The following PHLPP2 variants were observed in gnomAD, a reference collection of about 807,000 sequenced individuals.
PHLPP2 encodes the protein PH domain and leucine rich repeat protein phosphatase 2, also known as PH domain leucine-rich repeat-containing protein phosphatase 2.
Under a neutral mutation model 124.9 loss-of-function variants are expected in PHLPP2, and 66 were observed. The observed-to-expected ratio is 0.53, with a 90% CI of 0.43 to 0.65. The LOEUF (loss-of-function observed/expected upper bound fraction) is 0.65. Ranked by LOEUF, PHLPP2 falls within the 30% of genes least tolerant of loss-of-function variation. The pLI, the probability that PHLPP2 is intolerant of heterozygous loss-of-function variation, is 0.00. For missense variants in PHLPP2, 1,685 were observed against 1,600.4 expected (o/e 1.05, Z -0.90); for synonymous variants, 681 against 624.7 (o/e 1.09, Z -1.34).
intron 16 of PHLPP2, among the ~76,000 whole-genome samples, chr16:71,656,214 G>A (rs1422934353): frequency 1.3e-5 from 2 of 152,102 alleles, no homozygotes; most frequent in African/African-American, 4.8e-5. Context: ...CTAAGGAAGA[G>A]GATCATACTA....
chr16:71,697,360 C>T (rs1234489760), intron 3 of PHLPP2, among the ~76,000 whole-genome samples: 1 of 151,940 alleles, frequency 6.6e-6, no homozygotes, highest in East Asian at 1.9e-4. Flanking sequence ...GTAGAAGTGG[C>T]GCACATCAAG....
intron 11 of PHLPP2, among the ~76,000 whole-genome samples, chr16:71,668,140 G>T (rs188581155): frequency 1.3e-5 from 2 of 151,618 alleles, no homozygotes; most frequent in Non-Finnish European, 2.9e-5. Flanking sequence ...GGCCGGGGGT[G>T]GTGGCTCATG....
At chr16:71,663,826 G>T in intron 13 of PHLPP2, 73 bp downstream of exon 13, 1 of 1,126,842 alleles carries the variant, frequency 8.9e-7, no homozygotes, top group Non-Finnish European at 1.3e-6. Flanking sequence ...ATAGTCAGAT[G>T]GCTATATTTT....
intron 2 of PHLPP2, among the ~76,000 whole-genome samples, chr16:71,712,531 C>G (rs2045330685): frequency 6.6e-6 from 1 of 152,168 alleles, no homozygotes; most frequent in African/African-American, 2.4e-5. Flanking sequence ...GTTAATCAAT[C>G]ACTACCAGAT....
intron 8 of PHLPP2, 71 bp from the exon 9 acceptor site, chr16:71,676,720 A>G (rs1596999836): frequency 1.7e-6 from 2 of 1,163,940 alleles, no homozygotes; most frequent in Non-Finnish European, 2.6e-6. Flanking sequence ...AATAAAAATA[A>G]AAAATAGGAC....
At chr16:71,690,374 T>C (rs2045098093) in intron 4 of PHLPP2, 145 bp downstream of exon 4, 7 of 637,508 alleles carry the variant, frequency 1.1e-5, no homozygotes, top group Admixed American at 3.0e-5. Context: ...CCTCTGAACC[T>C]CTGAAACAGT....
intron 10 of PHLPP2, among the ~76,000 whole-genome samples, chr16:71,671,054 G>A (rs2044888557): frequency 6.6e-6 from 1 of 152,140 alleles, no homozygotes; most frequent in South Asian, 2.1e-4. Context: ...ATAAGCTCCA[G>A]ATGAGGTTGG....
intron 12 of PHLPP2, among the ~76,000 whole-genome samples, chr16:71,664,502 A>C (rs1456915699): frequency 4.6e-5 from 7 of 152,204 alleles, no homozygotes; most frequent in Non-Finnish European, 1.0e-4. Flanking sequence ...TAATCCCAGC[A>C]CTTTGGGAGG....
chr16:71,667,310 C>G lies in PHLPP2; in HGVS notation c.1652G>C (p.Arg551Thr). The G allele has an allele frequency of 6.2e-7, 1 of 1,613,464 alleles. No individual in the cohort carries two copies. Among genetic ancestry groups the G allele is most frequent in the Non-Finnish European group, 8.5e-7 (1 of 1,179,614 alleles). ...ATGATTGTGTCCCAGCATCAGTTTTCTAAGACTCAAGCTACTCAGAATTCT... is the reference window on the plus strand; with the variant it reads ...ATGATTGTGTCCCAGCATCAGTTTTGTAAGACTCAAGCTACTCAGAATTCT... ...PVRILSSLSL[R>T]KLMLGHNHVQ... Residue 551 changes from arginine to threonine, a missense_variant, in exon 12 of 19, where the codon AGA (arginine) becomes ACA (threonine). Physicochemically the swap from Arg to Thr is moderately conservative, Grantham distance 71. Coordinates refer to ENST00000568954, the MANE Select transcript of PHLPP2 (RefSeq NM_015020.3).
intron 16 of PHLPP2, 132 bp from the exon 17 acceptor site, chr16:71,655,566 G>C (rs929709456): frequency 2.1e-5 from 13 of 615,526 alleles, no homozygotes; most frequent in Non-Finnish European, 3.6e-5. Flanking sequence ...GCAGTGGCAT[G>C]ATCTTGCCTC....
Position 71,690,557 on chromosome 16 carries a change from T to C in PHLPP2, c.571A>G (p.Thr191Ala). Residue 191 changes from threonine (T) to alanine (A), a missense_variant, in exon 4 of 19, where the codon ACT becomes GCT. Thr to Ala is a moderately conservative substitution (Grantham distance 58). Transcript: ENST00000568954. ...LIVSSVKDCQ[T>A]GKMHILPLVG... The stretch of plus-strand genomic sequence containing the variant: ...AGAGGCAAAATGTGCATCTTTCCAG[T>C]TTGACAATCCTTCACTGAGGAAACG... 6.2e-7 allele frequency: 1 copy of C among 1,612,152 alleles called. No homozygotes were observed. Among genetic ancestry groups the C allele is most frequent in the Non-Finnish European group, 8.5e-7 (1 of 1,179,270 alleles).
chr16:71,722,253 G>A (rs992686974), intron 1 of PHLPP2, among the ~76,000 whole-genome samples: 1 of 151,990 alleles, frequency 6.6e-6, no homozygotes, highest in African/African-American at 2.4e-5. Context: ...GAAACATAGC[G>A]CAACCCTGTC....
At chr16:71,715,022 A>G in intron 1 of PHLPP2, 1 of 576,500 alleles carries the variant, frequency 1.7e-6, no homozygotes, top group Non-Finnish European at 3.0e-6. Flanking sequence ...ATCTTCGTTG[A>G]CCTCTCTTTT....
chr16:71,656,675 G>A lies in PHLPP2; in HGVS notation c.2286C>T (p.Ile762=), dbSNP rs748299830. 1 of 1,593,494 alleles carries A rather than the reference G, an allele frequency of 6.3e-7. No homozygotes were observed. Among genetic ancestry groups the A allele is most frequent in the South Asian group, 1.1e-5 (1 of 90,618 alleles). The change falls in exon 16 of 19, where the codon ATC becomes ATT. Residue 762 remains isoleucine, a synonymous_variant. Transcript: ENST00000568954. ...EHKTLDIFSH[I]TTLKIDQKPL... ...GTTTCTGATCAATTTTCAGGGTTGT[G>A]ATATGGCTGTGGGAGGTGAAGGAAG... is the stretch of plus-strand genomic sequence containing the variant.
intron 1 of PHLPP2, 64 bp from the exon 2 acceptor site, chr16:71,714,865 C>G (rs2045350254): frequency 1.3e-6 from 2 of 1,530,670 alleles, no homozygotes; most frequent in South Asian, 2.6e-5. Context: ...ACATTTCAGT[C>G]CTCACCCCAC....
intron 9 of PHLPP2, among the ~76,000 whole-genome samples, chr16:71,673,386 G>A (rs755707120): frequency 2.6e-5 from 4 of 152,114 alleles, no homozygotes; most frequent in African/African-American, 7.2e-5. Context: ...GTGGTGCCAC[G>A]CAGGAGTTTC....
chr16:71,700,817 A>G (rs1384369713), intron 3 of PHLPP2, among the ~76,000 whole-genome samples: 1 of 151,926 alleles, frequency 6.6e-6, no homozygotes, highest in Non-Finnish European at 1.5e-5. Flanking sequence ...GAGCCACCGC[A>G]CCTGGCCTGT....
At chr16:71,660,552 A>C (rs1358622002) in intron 13 of PHLPP2, among the ~76,000 whole-genome samples, 1 of 150,712 alleles carries the variant, frequency 6.6e-6, no homozygotes, top group East Asian at 2.0e-4. Flanking sequence ...CAGCCTCCCA[A>C]GTAGCTGGGA....
intron 2 of PHLPP2, among the ~76,000 whole-genome samples, chr16:71,708,564 A>T (rs1043683305): frequency 4.6e-5 from 7 of 152,162 alleles, no homozygotes; most frequent in Admixed American, 1.3e-4. Flanking sequence ...CTTCGCACGG[A>T]TGTCCCTGAC....
Sources: allele counts gnomAD v4.1 joint callset (sites outside exome capture counted in the v4.1 genomes callset), GRCh38; gene constraint gnomAD v4.1.1; transcripts MANE v1.5; gene names NCBI Gene and HGNC (gene_info 2026-07-23, HGNC 2026-07-21).